LGR5: variants seen among roughly 807,000 people sequenced by gnomAD.
LGR5 encodes the protein leucine-rich repeat-containing G protein-coupled receptor 5.
LGR5 carries 54 observed loss-of-function variants against 76.7 expected under a neutral mutation model. The observed-to-expected ratio is 0.70, with a 90% CI of 0.57 to 0.88. LGR5 has a LOEUF of 0.88. Among genes scored for constraint, LGR5 ranks in the 40% least tolerant of loss-of-function variants. The probability of loss-of-function intolerance (pLI) is 0.00; values close to 1 mark genes in which losing one functional copy is unlikely to be tolerated. For synonymous variants in LGR5, 406 were observed against 421.9 expected, an observed-to-expected ratio of 0.96 and a Z score of 0.46; for missense variants, 1,078 against 1,073.3, an observed-to-expected ratio of 1.00 and a Z score of -0.06.
At chr12:71,573,604 C>A (rs1359197694) in intron 13 of LGR5, among the ~76,000 whole-genome samples, 1 of 152,062 alleles carries the variant, frequency 6.6e-6, no homozygotes, top group African/African-American at 2.4e-5. Context: ...AACTGGATTT[C>A]AATATGATTT....
chr12:71,573,091 A>G, intron 13 of LGR5, 170 bp downstream of exon 13: 1 of 529,608 alleles, frequency 1.9e-6, no homozygotes, highest in South Asian at 2.8e-5. Context: ...GAATAAATCT[A>G]AAAGTAGTAA....
intron 1 of LGR5, among the ~76,000 whole-genome samples, chr12:71,447,966 C>G (rs1872080390): frequency 6.6e-6 from 1 of 152,076 alleles, no homozygotes; most frequent in East Asian, 1.9e-4. Flanking sequence ...TTAGCCTGTC[C>G]TTTTTTCCGT....
chr12:71,469,299 C>T (rs1356732232), intron 1 of LGR5, among the ~76,000 whole-genome samples: 1 of 152,210 alleles, frequency 6.6e-6, no homozygotes, highest in Non-Finnish European at 1.5e-5. Context: ...TTAGAATTGC[C>T]TCACTTCACA....
chr12:71,493,805 G>A (rs1432666352), intron 1 of LGR5, among the ~76,000 whole-genome samples: 1 of 134,222 alleles, frequency 7.5e-6, no homozygotes, highest in Non-Finnish European at 1.5e-5. Context: ...GTCATGCTCT[G>A]TCGCCTAAGC....
rs1879282917 is a variant in LGR5, at chr12:71,585,478, T to G, written c.*744T>G. 6.6e-6 allele frequency: 1 copy of G among 152,218 alleles called. No individual in the cohort carries two copies. Among genetic ancestry groups the G allele is most frequent in the African/African-American group, 2.4e-5 (1 of 41,464 alleles). The allele number at this position is 152,218 out of a possible 1,614,324, so 9.4% of individuals were successfully genotyped here. On this transcript the variant is annotated 3_prime_UTR_variant, in exon 18 of 18. Coordinates refer to ENST00000266674, the MANE Select transcript of LGR5 (RefSeq NM_003667.4). ...TCATGCACAGGTGACGTATGTCTTATCTGATTTGTTTTTAACTCCTTGGTG... is the reference window on the plus strand; with the variant it reads ...TCATGCACAGGTGACGTATGTCTTAGCTGATTTGTTTTTAACTCCTTGGTG...
At chr12:71,470,880 A>G (rs11178815) in intron 1 of LGR5, among the ~76,000 whole-genome samples, 10,692 of 152,108 alleles carry the variant, frequency 0.07, 411 homozygotes, top group African/African-American at 0.093. Context: ...CCACCCCTCA[A>G]TGGAGCTTTT....
chr12:71,521,293 T>C (rs1875716822), intron 2 of LGR5, among the ~76,000 whole-genome samples: 1 of 152,180 alleles, frequency 6.6e-6, no homozygotes. Context: ...CCTTCAATCC[T>C]TGACTTTCAG....
chr12:71,518,252 C>G (rs553345998), intron 2 of LGR5, among the ~76,000 whole-genome samples: 2 of 152,164 alleles, frequency 1.3e-5, no homozygotes, highest in African/African-American at 4.8e-5. Context: ...GAAAAAAAAG[C>G]TCAGCATTAC....
intron 1 of LGR5, among the ~76,000 whole-genome samples, chr12:71,501,844 G>T (rs958806071): frequency 3.0e-4 from 46 of 152,098 alleles, no homozygotes; most frequent in Non-Finnish European, 5.7e-4. Flanking sequence ...GGATAGTTTG[G>T]AATACACTGA....
At chr12:71,559,516 C>A in intron 6 of LGR5, 70 bp from the exon 7 acceptor site, 2 of 854,700 alleles carry the variant, frequency 2.3e-6, no homozygotes, top group Admixed American at 2.0e-5. Context: ...AGCATGTTAA[C>A]TTTCCTTGTA....
intron 4 of LGR5, among the ~76,000 whole-genome samples, chr12:71,538,696 GTAAA>G (rs1168306978): frequency 6.6e-6 from 1 of 151,640 alleles, no homozygotes; most frequent in Non-Finnish European, 1.5e-5. Context: ...AAATAATTAA[GTAAA>G]TAAATAAAAT....
chr12:71,511,166 G>A (rs1875137053), intron 2 of LGR5, among the ~76,000 whole-genome samples: 1 of 152,172 alleles, frequency 6.6e-6, no homozygotes, highest in Admixed American at 6.5e-5. Flanking sequence ...AGGAGGCTAC[G>A]ATAGGTGTCT....
At chr12:71,541,785 A>G (rs1876892410) in intron 4 of LGR5, among the ~76,000 whole-genome samples, 1 of 152,170 alleles carries the variant, frequency 6.6e-6, no homozygotes, top group Non-Finnish European at 1.5e-5. Flanking sequence ...TGATCTTCCC[A>G]AGGTCACATG....
At chr12:71,525,339 T>C (rs1875938412) in intron 3 of LGR5, among the ~76,000 whole-genome samples, 2 of 152,108 alleles carry the variant, frequency 1.3e-5, no homozygotes, top group Non-Finnish European at 2.9e-5. Context: ...AGCAGAACCG[T>C]TATTTGATCG....
intron 1 of LGR5, among the ~76,000 whole-genome samples, chr12:71,488,589 A>T (rs55748084): frequency 0.11 from 17,098 of 152,208 alleles, 1,092 homozygotes; most frequent in African/African-American, 0.16. Context: ...TACTTTGGCA[A>T]AATGCATCAA....
chr12:71,578,707 T>A, intron 14 of LGR5, 97 bp from the exon 15 acceptor site: 1 of 1,246,730 alleles, frequency 8.0e-7, no homozygotes, highest in East Asian at 2.5e-5. Flanking sequence ...GAAGTTTTTA[T>A]TGAGTAGTTT....
At chr12:71,518,202 A>C (rs1344811061) in intron 2 of LGR5, among the ~76,000 whole-genome samples, 1 of 152,214 alleles carries the variant, frequency 6.6e-6, no homozygotes, top group African/African-American at 2.4e-5. Flanking sequence ...GCAAACAGAC[A>C]CTTTTCAAAA....
rs1879287761 is a variant in LGR5 at position 71,585,594 on chromosome 12, A to T, written c.*860A>T. On this transcript the variant is annotated 3_prime_UTR_variant, in exon 18 of 18. Coordinates refer to ENST00000266674, the MANE Select transcript of LGR5 (RefSeq NM_003667.4). ...TGGGATTTTTTTTCTGGGTTAGTAA[A>T]GAATTTTTGCAATAAGTTTTATCAG... 6.6e-6 allele frequency: 1 copy of T among 152,200 alleles called. No homozygotes were observed. 9.4% of individuals were successfully genotyped at this position (152,200 alleles called of 1,614,324 possible). A position where few individuals can be genotyped will look rare whatever the true frequency, so the allele number is the denominator to read the frequency against.
Position 71,509,543 on chromosome 12 carries a change from C to T in LGR5, c.284+4858C>T, listed in dbSNP as rs188813910. Reference sequence around the variant, plus strand: ...CTATTTACTCAGTTCTAGGAACTTCCGTTAACGCTTGCTATGTAGACAAAT... The same window carrying T: ...CTATTTACTCAGTTCTAGGAACTTCTGTTAACGCTTGCTATGTAGACAAAT... On this transcript the variant is annotated intron_variant, in intron 2 of 17. Coordinates refer to ENST00000266674, the MANE Select transcript of LGR5 (RefSeq NM_003667.4). Among the ~76,000 whole-genome samples the T allele has an allele frequency of 5.7e-4, 87 of 152,236 alleles. No individual in the cohort carries two copies. In the East Asian group the frequency reaches 0.01, roughly 18 times the overall value.
Sources: allele counts gnomAD v4.1 joint callset (sites outside exome capture counted in the v4.1 genomes callset), GRCh38; gene constraint gnomAD v4.1.1; transcripts MANE v1.5; gene names NCBI Gene and HGNC (gene_info 2026-07-23, HGNC 2026-07-21).